HEATR4: variants seen among roughly 807,000 people sequenced by gnomAD.
The protein encoded by HEATR4 is HEAT repeat-containing protein 4.
In HEATR4, 95 loss-of-function variants were observed where a neutral mutation model predicts 108.8. The observed-to-expected ratio is 0.87, with a 90% CI of 0.74 to 1.04. HEATR4 has a LOEUF of 1.04. Among genes scored for constraint, HEATR4 ranks in the 50% least tolerant of loss-of-function variants. The pLI is 0.00. For synonymous variants in HEATR4, 443 were observed against 459.4 expected (o/e 0.96, Z 0.46); for missense variants, 1,152 against 1,253.8 (o/e 0.92, Z 1.23).
the HEATR4 span, among the ~76,000 whole-genome samples, chr14:73,604,164 CTTTT>C: frequency 2.2e-4 from 27 of 120,778 alleles, no homozygotes; most frequent in Admixed American, 9.9e-4. Context: ...TTGCTAATTT[CTTTT>C]TTTTTTTTTT....
chr14:73,571,881 T>C, the HEATR4 span, among the ~76,000 whole-genome samples: 3 of 152,066 alleles, frequency 2.0e-5, no homozygotes, highest in Non-Finnish European at 2.9e-5. Flanking sequence ...ACTGGATACT[T>C]TTATATTACA....
chr14:73,631,851 CAT>C, the HEATR4 span: 2,569 of 156,176 alleles, frequency 0.016, 75 homozygotes, highest in African/African-American at 0.059. Flanking sequence ...CTTGGAATAT[CAT>C]GTGTATACAG....
chr14:73,552,635 G>A lies in HEATR4; in HGVS notation c.-152+6116C>T, dbSNP rs1337069970. On this transcript the variant is annotated intron_variant, in intron 1 of 17. Coordinates refer to ENST00000553558, the MANE Select transcript of HEATR4 (RefSeq NM_001220484.1). ...CCCCATTCCCACAATCCCCTGTGCCGACACAAATCAACCTCCCCATGTCCC... is the reference window on the plus strand; with the variant it reads ...CCCCATTCCCACAATCCCCTGTGCCAACACAAATCAACCTCCCCATGTCCC... 5.6e-5 allele frequency among the ~76,000 whole-genome samples: 6 copies of A among 106,802 alleles called. 1 individual carries two copies. Among genetic ancestry groups the A allele is most frequent in the African/African-American group, 1.9e-4 (5 of 26,726 alleles). The allele number at this position is 106,802 out of a possible 152,430, so 70.1% of individuals were successfully genotyped here. A position where few individuals can be genotyped will look rare whatever the true frequency, so the allele number is the denominator to read the frequency against.
chr14:73,573,393 G>A, the HEATR4 span: 2 of 1,613,652 alleles, frequency 1.2e-6, no homozygotes, highest in Non-Finnish European at 8.5e-7. Flanking sequence ...CCAAGAACCT[G>A]GGCCCTTTCC....
chr14:73,574,891 C>T, the HEATR4 span: 11 of 1,613,174 alleles, frequency 6.8e-6, no homozygotes, highest in South Asian at 2.2e-5. Context: ...CTTCTTTTTC[C>T]TTTGTCCCTT....
chr14:73,509,449 T>C lies in HEATR4; in HGVS notation c.1583A>G (p.Glu528Gly). 1 of 1,614,014 alleles carries C rather than the reference T, an allele frequency of 6.2e-7. No homozygotes were observed. Reference protein sequence around the residue: ...DSDKTIQDLPEVLLPALEAAL... With the variant: ...DSDKTIQDLPGVLLPALEAAL... ...AGCCTCTAGGGCAGGCAGTAGAACCTCCGGCAAGTCCTGGATGGTCTTGTC... is the reference window on the plus strand; with the variant it reads ...AGCCTCTAGGGCAGGCAGTAGAACCCCCGGCAAGTCCTGGATGGTCTTGTC... The change falls in exon 8 of 18, where the codon GAG becomes GGG. Residue 528 changes from glutamate (E) to glycine (G), a missense_variant. Glu to Gly is a moderately conservative substitution (Grantham distance 98, BLOSUM62 -2). Transcript: ENST00000553558.
chr14:73,612,814 G>A, the HEATR4 span: 17 of 1,422,890 alleles, frequency 1.2e-5, no homozygotes, highest in Admixed American at 1.0e-4. Context: ...TGGGGCTGCT[G>A]TGGGCGTTGG....
the HEATR4 span, among the ~76,000 whole-genome samples, chr14:73,620,692 C>T: frequency 6.6e-5 from 10 of 152,096 alleles, no homozygotes; most frequent in South Asian, 4.2e-4. Flanking sequence ...CCCAGCCTTC[C>T]GAGTATCTGG....
At chr14:73,570,522 T>G in the HEATR4 span, among the ~76,000 whole-genome samples, 5 of 151,354 alleles carry the variant, frequency 3.3e-5, no homozygotes, top group Admixed American at 6.6e-5. Flanking sequence ...TGAGCTGAGA[T>G]CGCGCCACTG....
chr14:73,628,753 CA>C, the HEATR4 span, among the ~76,000 whole-genome samples: 269 of 126,320 alleles, frequency 2.1e-3, no homozygotes, highest in Admixed American at 2.9e-3. Flanking sequence ...AACTCCATCT[CA>C]AAAAAAAAAA....
At position 73,514,069 on chromosome 14, in the gene HEATR4, C is replaced by T. The variant is rs371242361; in HGVS notation, c.1376G>A (p.Arg459Gln). 1.7e-5 allele frequency: 28 copies of T among 1,614,056 alleles called. No homozygotes were observed. The highest frequency in any genetic ancestry group is 1.6e-4 in the East Asian group (7 of 44,902). ...EDVTWELVVL[R>Q]RMLKEWKTAW... ...AGTCTTCCATTCCTTCAGCATCCTC[C>T]GCAGGACCACCAGTTCCCAGGTCAC... The change falls in exon 6 of 18, where the codon CGG becomes CAG. Residue 459 changes from arginine to glutamine, a missense_variant. By Grantham distance (43) the Arg-to-Gln change is conservative (BLOSUM62 1). Coordinates refer to ENST00000553558, the MANE Select transcript of HEATR4 (RefSeq NM_001220484.1).
rs146059486 is a variant in HEATR4, at chr14:73,506,727, G to A, written c.1882-156C>T. Among the ~76,000 whole-genome samples the A allele has an allele frequency of 8.4e-4, 126 of 150,700 alleles. 1 individual carries two copies. In the East Asian group the frequency reaches 0.022, roughly 26 times the overall value. ...TTCCATCACAGCCAACTGACTCTGGGATCATAAATTGGGGAACAAAATACA... is the reference window on the plus strand; with the variant it reads ...TTCCATCACAGCCAACTGACTCTGGAATCATAAATTGGGGAACAAAATACA... On this transcript the variant is annotated intron_variant, in intron 9 of 17. Transcript: ENST00000553558.
Position 73,542,250 on chromosome 14 carries a change from G to A in HEATR4, c.-151-12006C>T, listed in dbSNP as rs1397221209. Among the ~76,000 whole-genome samples the A allele has an allele frequency of 2.5e-4, 27 of 106,642 alleles. 5 individuals carry two copies. Among genetic ancestry groups the A allele is most frequent in the East Asian group, 7.5e-4 (1 of 1,340 alleles). The allele number at this position is 106,642 out of a possible 152,430, so 70.0% of individuals were successfully genotyped here. A position where few individuals can be genotyped will look rare whatever the true frequency, so the allele number is the denominator to read the frequency against. On this transcript the variant is annotated intron_variant, in intron 1 of 17. Transcript: ENST00000553558. ...TGACCTCAAGTGATCTGCCCACCTC[G>A]GCCTCCCAGAGTGCTGGAATTACAG...
intron 17 of HEATR4, among the ~76,000 whole-genome samples, chr14:73,482,725 C>T (rs753589740): frequency 1.3e-5 from 2 of 152,148 alleles, no homozygotes; most frequent in Non-Finnish European, 2.9e-5. Context: ...GGTGCAATCT[C>T]GGCTCACCAT....
At chr14:73,538,470 G>A (rs1160594266) in intron 1 of HEATR4, among the ~76,000 whole-genome samples, 1 of 112,364 alleles carries the variant, frequency 8.9e-6, no homozygotes, top group Non-Finnish European at 1.9e-5. Context: ...AAAATTAGCC[G>A]GGCGTGGTAG....
chr14:73,564,728 G>GTTTTTTT, the HEATR4 span, among the ~76,000 whole-genome samples: 14 of 37,204 alleles, frequency 3.8e-4, no homozygotes, highest in Non-Finnish European at 4.6e-4. Context: ...TCTGTTTTTT[G>GTTTTTTT]TTTTTTTTTT....
rs1403943359 is a variant in HEATR4 at position 73,555,952 on chromosome 14, C to T, written c.-152+2799G>A. ...CCTGACAAGCAGAGGTTGCAGCGAG[C>T]CGAGATCGTGCCACCGCACTCCAGC... On this transcript the variant is annotated intron_variant, in intron 1 of 17. Coordinates refer to ENST00000553558, the MANE Select transcript of HEATR4 (RefSeq NM_001220484.1). Among the ~76,000 whole-genome samples, 2 of 112,200 alleles carry T rather than the reference C, an allele frequency of 1.8e-5. 1 individual carries two copies. The highest frequency in any genetic ancestry group is 3.9e-5 in the Non-Finnish European group (2 of 51,222). The allele number at this position is 112,200 out of a possible 152,430, so 73.6% of individuals were successfully genotyped here. A position where few individuals can be genotyped will look rare whatever the true frequency, so the allele number is the denominator to read the frequency against.
At chr14:73,570,430 G>A in the HEATR4 span, among the ~76,000 whole-genome samples, 2 of 151,898 alleles carry the variant, frequency 1.3e-5, no homozygotes, top group East Asian at 1.9e-4. Context: ...GTAGCTGGGC[G>A]TAGTAGCGGG....
upstream of HEATR4, among the ~76,000 whole-genome samples, chr14:73,561,864 C>T (rs924909790): frequency 7.3e-5 from 11 of 150,482 alleles, 1 homozygote; most frequent in Non-Finnish European, 1.3e-4. Flanking sequence ...ACGTGCTTGT[C>T]GTCCCAGCTA....
Sources: allele counts gnomAD v4.1 joint callset (sites outside exome capture counted in the v4.1 genomes callset), GRCh38; gene constraint gnomAD v4.1.1; transcripts MANE v1.5; gene names NCBI Gene and HGNC (gene_info 2026-07-23, HGNC 2026-07-21).